EYS: variants seen among roughly 807,000 people sequenced by gnomAD.
The protein encoded by EYS is protein eyes shut homolog.
In EYS, 250 loss-of-function variants were observed where a neutral mutation model predicts 282.1. That is an observed-to-expected ratio of 0.89 (90% CI 0.80 to 0.98). The LOEUF is 0.98. Among genes scored for constraint, EYS ranks in the 50% least tolerant of loss-of-function variants. EYS has a pLI of 0.00. For missense variants in EYS, 4,016 were observed against 3,709.0 expected (o/e 1.08, Z -2.15); for synonymous variants, 1,355 against 1,282.9 (o/e 1.06, Z -1.20).
intron 1 of EYS, among the ~76,000 whole-genome samples, chr6:65,690,044 G>A (rs1769184664): frequency 6.7e-6 from 1 of 149,974 alleles, no homozygotes; most frequent in Non-Finnish European, 1.5e-5. Context: ...TTCATTATGA[G>A]GTGAGATGGT....
At chr6:64,392,138 G>T (rs1323067940) in intron 28 of EYS, among the ~76,000 whole-genome samples, 3 of 146,156 alleles carry the variant, frequency 2.1e-5, no homozygotes, top group Non-Finnish European at 3.0e-5. Context: ...AGTCCTGAGT[G>T]ACCTACAAAG....
chr6:64,635,919 T>A (rs2149866491), intron 22 of EYS, among the ~76,000 whole-genome samples: 1 of 152,282 alleles, frequency 6.6e-6, no homozygotes, highest in East Asian at 1.9e-4. Flanking sequence ...TCCTTGTACC[T>A]CTGGTAGAAT....
intron 30 of EYS, among the ~76,000 whole-genome samples, chr6:64,285,480 G>T (rs1351630055): frequency 6.6e-6 from 1 of 152,124 alleles, no homozygotes; most frequent in Non-Finnish European, 1.5e-5. Context: ...ATCATTATCA[G>T]TATTTTTGTC....
chr6:65,054,082 A>G (rs1773348243), intron 13 of EYS, among the ~76,000 whole-genome samples: 1 of 152,004 alleles, frequency 6.6e-6, no homozygotes, highest in Admixed American at 6.6e-5. Context: ...GATTATATAT[A>G]CACTTTTTCA....
chr6:65,390,843 C>A (rs183670719), intron 7 of EYS, among the ~76,000 whole-genome samples: 1 of 151,942 alleles, frequency 6.6e-6, no homozygotes. Flanking sequence ...TGGTTCACAA[C>A]ACTACATGCC....
At chr6:65,449,697 C>T (rs1207071446) in intron 5 of EYS, among the ~76,000 whole-genome samples, 1 of 151,910 alleles carries the variant, frequency 6.6e-6, no homozygotes, top group Non-Finnish European at 1.5e-5. Context: ...GAAAAATAAG[C>T]CTTACGAAGA....
intron 12 of EYS, among the ~76,000 whole-genome samples, chr6:65,224,116 C>T (rs1017515449): frequency 1.3e-5 from 2 of 152,046 alleles, no homozygotes; most frequent in Admixed American, 6.6e-5. Context: ...AAAATACCAA[C>T]AACAAAATAC....
At chr6:65,234,344 T>A (rs557059) in intron 12 of EYS, among the ~76,000 whole-genome samples, 3,965 of 152,244 alleles carry the variant, frequency 0.026, 164 homozygotes, top group African/African-American at 0.091. Flanking sequence ...TTGTTCTTTC[T>A]ATCAAGGAAC....
intron 7 of EYS, among the ~76,000 whole-genome samples, chr6:65,395,454 T>G (rs1766244755): frequency 6.6e-6 from 1 of 152,190 alleles, no homozygotes; most frequent in African/African-American, 2.4e-5. Context: ...TGATAATGAC[T>G]TGGTATATTA....
intron 22 of EYS, among the ~76,000 whole-genome samples, chr6:64,741,130 A>T (rs1364975758): frequency 6.6e-6 from 1 of 152,106 alleles, no homozygotes; most frequent in African/African-American, 2.4e-5. Context: ...TATGAAATGT[A>T]TTTCTTAAAT....
intron 8 of EYS, among the ~76,000 whole-genome samples, chr6:65,357,141 G>C (rs765367507): frequency 6.6e-6 from 1 of 151,836 alleles, no homozygotes; most frequent in Non-Finnish European, 1.5e-5. Context: ...GTTGTTGAGA[G>C]GCTCATCATT....
chr6:63,880,313 G>A (rs531195863), intron 35 of EYS, among the ~76,000 whole-genome samples: 2 of 152,162 alleles, frequency 1.3e-5, no homozygotes, highest in African/African-American at 2.4e-5. Context: ...GTGCTTGGAT[G>A]CTTCCTGCCC....
chr6:64,538,602 A>G (rs1189981362), intron 26 of EYS, among the ~76,000 whole-genome samples: 2 of 152,190 alleles, frequency 1.3e-5, no homozygotes, highest in Admixed American at 1.3e-4. Context: ...ATAGTACAGA[A>G]TACATTTGAA....
intron 31 of EYS, among the ~76,000 whole-genome samples, chr6:64,225,729 C>T (rs1329717884): frequency 6.6e-6 from 1 of 152,122 alleles, no homozygotes; most frequent in Non-Finnish European, 1.5e-5. Context: ...CTGTCTTTGT[C>T]TCCAGCTGAG....
At chr6:64,571,127 C>A (rs1765711536) in intron 26 of EYS, among the ~76,000 whole-genome samples, 1 of 152,172 alleles carries the variant, frequency 6.6e-6, no homozygotes, top group Admixed American at 6.5e-5. Flanking sequence ...TTAAGAAACT[C>A]ACTCAAAACC....
At chr6:64,705,284 A>G (rs1180606794) in intron 22 of EYS, among the ~76,000 whole-genome samples, 1 of 152,174 alleles carries the variant, frequency 6.6e-6, no homozygotes, top group Non-Finnish European at 1.5e-5. Flanking sequence ...AATGAAGTGA[A>G]AAATGTCTGC....
At chr6:63,820,387 T>C (rs959183311) in intron 36 of EYS, among the ~76,000 whole-genome samples, 1 of 152,210 alleles carries the variant, frequency 6.6e-6, no homozygotes, top group Non-Finnish European at 1.5e-5. Context: ...TCACAAATAG[T>C]TTCTTCAAAT....
At chr6:63,973,401 G>T (rs1766683506) in intron 35 of EYS, among the ~76,000 whole-genome samples, 1 of 151,984 alleles carries the variant, frequency 6.6e-6, no homozygotes, top group Non-Finnish European at 1.5e-5. Flanking sequence ...TACAAGAAGA[G>T]AACTAAACTT....
At chr6:64,494,964 A>G (rs1776846535) in intron 26 of EYS, among the ~76,000 whole-genome samples, 1 of 151,700 alleles carries the variant, frequency 6.6e-6, no homozygotes, top group African/African-American at 2.4e-5. Flanking sequence ...ATAAATAGGT[A>G]CCACTCTTGA....
Sources: allele counts gnomAD v4.1 joint callset (sites outside exome capture counted in the v4.1 genomes callset), GRCh38; gene constraint gnomAD v4.1.1; transcripts MANE v1.5; gene names NCBI Gene and HGNC (gene_info 2026-07-23, HGNC 2026-07-21).